The following SRGAP1 variants were observed in gnomAD, a reference collection of about 807,000 sequenced individuals.
The protein encoded by SRGAP1 is SLIT-ROBO Rho GTPase activating protein 1.
SRGAP1 carries 43 observed loss-of-function variants against 121.9 expected under a neutral mutation model. That is an observed-to-expected ratio of 0.35 (90% CI 0.28 to 0.46). The LOEUF is 0.46. SRGAP1 is among the 20% of genes least tolerant of loss of function. The pLI, the probability that SRGAP1 is intolerant of heterozygous loss-of-function variation, is 1.00. For synonymous variants in SRGAP1, 447 were observed against 485.4 expected (o/e 0.92, Z 1.04); for missense variants, 1,102 against 1,350.9 (o/e 0.82, Z 2.89).
At chr12:63,867,159 G>A (rs1899666150) in intron 1 of SRGAP1, among the ~76,000 whole-genome samples, 1 of 152,188 alleles carries the variant, frequency 6.6e-6, no homozygotes, top group African/African-American at 2.4e-5. Context: ...CCTTGGCACT[G>A]CTTTCTTTAT....
At chr12:63,998,614 G>A (rs1376125246) in intron 3 of SRGAP1, among the ~76,000 whole-genome samples, 6 of 152,136 alleles carry the variant, frequency 3.9e-5, no homozygotes, top group Non-Finnish European at 7.4e-5. Flanking sequence ...ACTGAAAATT[G>A]CTCTCAGGAT....
intron 1 of SRGAP1, among the ~76,000 whole-genome samples, chr12:63,861,302 A>ATATTTTTTT (rs1184711599): frequency 7.5e-6 from 1 of 132,624 alleles, no homozygotes; most frequent in African/African-American, 2.8e-5. Context: ...ATATATATAT[A>ATATTTTTTT]TTTTTTTTTT....
chr12:64,137,965 T>TATATATATATA (rs2036884515), intron 21 of SRGAP1, among the ~76,000 whole-genome samples: 5 of 116,834 alleles, frequency 4.3e-5, no homozygotes, highest in Admixed American at 1.7e-4. Context: ...AAAAAAAATA[T>TATATATATATA]ATATATATAT....
chr12:64,127,959 C>T lies in SRGAP1; in HGVS notation c.2639C>T (p.Ser880Phe). ...PLHPPHALSN[S>F]SVDLGSPSLA... is the part of the protein sequence containing the mutation. ...CACCCTCCACATGCCCTTTCTAACT[C>T]CTCAGTTGACCTAGGGTCCCCAAGC... Residue 880 changes from serine to phenylalanine, a missense_variant, in exon 21 of 22, where the codon TCC becomes TTC. Coordinates refer to ENST00000355086, the MANE Select transcript of SRGAP1 (RefSeq NM_020762.4). The T allele has an allele frequency of 6.2e-7, 1 of 1,614,212 alleles. No homozygotes were observed. Among genetic ancestry groups the T allele is most frequent in the Non-Finnish European group, 8.5e-7 (1 of 1,180,026 alleles).
intron 1 of SRGAP1, among the ~76,000 whole-genome samples, chr12:63,916,735 A>G (rs1274997073): frequency 6.6e-6 from 1 of 152,194 alleles, no homozygotes. Context: ...GGTGCCTAGG[A>G]TGATATAAAA....
In SRGAP1 at chr12:64,043,451, A is replaced by G; in HGVS notation, c.677A>G (p.Gln226Arg). 1 of 1,609,892 alleles carries G rather than the reference A, an allele frequency of 6.2e-7. No individual in the cohort carries two copies. The highest frequency in any genetic ancestry group is 8.5e-7 in the Non-Finnish European group (1 of 1,178,900). The change falls in exon 6 of 22, where the codon CAA becomes CGA. Residue 226 changes from glutamine to arginine, a missense_variant. Coordinates refer to ENST00000355086, the MANE Select transcript of SRGAP1 (RefSeq NM_020762.4). The stretch of plus-strand genomic sequence containing the variant: ...CCTGGATCTTCTTCATTCCAGAGAC[A>G]AGCAAAATATTCAGAAAATAAGCTA... ...KKIEKMKEKR[Q>R]AKYSENKLKS...
At chr12:64,087,578 A>C (rs1424082791) in intron 11 of SRGAP1, among the ~76,000 whole-genome samples, 1 of 151,856 alleles carries the variant, frequency 6.6e-6, no homozygotes, top group East Asian at 1.9e-4. Context: ...TACTAAAAAT[A>C]CCAAAAAATT....
chr12:64,115,118 G>A (rs2036496904), intron 17 of SRGAP1, among the ~76,000 whole-genome samples: 1 of 152,098 alleles, frequency 6.6e-6, no homozygotes, highest in Non-Finnish European at 1.5e-5. Context: ...GCAGTTCAAA[G>A]GAGACATCAA....
intron 1 of SRGAP1, chr12:63,982,712 T>C (rs2033287264): frequency 1.3e-5 from 2 of 152,238 alleles, no homozygotes; most frequent in Non-Finnish European, 2.9e-5. Context: ...CTGGGAAAGA[T>C]GAAATGAAGA....
At position 64,152,666 on chromosome 12, in the gene SRGAP1, A is replaced by G. The variant is rs962080425; in HGVS notation, c.*9994A>G. 5 of 152,104 alleles carry G rather than the reference A, an allele frequency of 3.3e-5. No homozygotes were observed. The highest frequency in any genetic ancestry group is 7.3e-5 in the Non-Finnish European group (5 of 68,030). The allele number at this position is 152,104 out of a possible 1,614,324, so 9.4% of individuals were successfully genotyped here. ...TGTGTGCTCCCTCCGCATATACTTC[A>G]TGTCATTCCTCAGCCTAAAATGTCC... On this transcript the variant is annotated 3_prime_UTR_variant, in exon 22 of 22. Transcript: ENST00000355086.
intron 15 of SRGAP1, among the ~76,000 whole-genome samples, chr12:64,102,753 T>A (rs1376053875): frequency 6.6e-6 from 1 of 152,198 alleles, no homozygotes. Context: ...TACTTCATTC[T>A]TTTTGATTGC....
At chr12:63,949,396 TTTA>T (rs71089906) in intron 1 of SRGAP1, among the ~76,000 whole-genome samples, 33,852 of 125,582 alleles carry the variant, frequency 0.27, 4,723 homozygotes, top group Non-Finnish European at 0.33. Flanking sequence ...ATTTTTATTA[TTTA>T]TTATTATTAT....
rs555738402 is a variant in SRGAP1 at position 64,080,390 on chromosome 12, T to C, written c.1408+20T>C. The C allele has an allele frequency of 3.1e-5, 48 of 1,561,412 alleles. No individual in the cohort carries two copies. In the South Asian group the frequency reaches 4.6e-4, roughly 15 times the overall value. The stretch of plus-strand genomic sequence containing the variant: ...GAGAAGGTGAGTTATCCAAAATGTA[T>C]GGGAAGATGACCTGGATGATACATC... On this transcript the variant is annotated intron_variant, in intron 10 of 21. Transcript: ENST00000355086.
intron 1 of SRGAP1, among the ~76,000 whole-genome samples, chr12:63,916,638 G>T (rs976555317): frequency 9.2e-6 from 1 of 108,110 alleles, no homozygotes; most frequent in African/African-American, 2.7e-5. Flanking sequence ...GCATAGAGGG[G>T]CTGGAGGGAA....
chr12:64,084,772 A>G lies in SRGAP1; in HGVS notation c.1409-2227A>G, dbSNP rs189306892. On this transcript the variant is annotated intron_variant, in intron 10 of 21. Transcript: ENST00000355086. ...GTTAGGATATTGTTACAAAAATAGC[A>G]GAATTTCAAAGTTATAACACATTTC... Among the ~76,000 whole-genome samples, 584 of 152,330 alleles carry G rather than the reference A, an allele frequency of 3.8e-3. 5 individuals carry two copies. The highest frequency in any genetic ancestry group is 0.013 in the African/African-American group (547 of 41,584).
intron 1 of SRGAP1, among the ~76,000 whole-genome samples, chr12:63,891,832 C>A (rs866955928): frequency 6.6e-6 from 1 of 151,562 alleles, no homozygotes; most frequent in Non-Finnish European, 1.5e-5. Flanking sequence ...ACTAAAAATA[C>A]AAAAATTAGC....
Position 64,161,048 on chromosome 12 carries a change from T to C in SRGAP1, c.*18376T>C, listed in dbSNP as rs928233039. ...CCTGATGTGGATCTATTTTGATTCA[T>C]TGTACTGAAGACCATTTCAGCCCAT... On this transcript the variant is annotated 3_prime_UTR_variant, in exon 22 of 22. Transcript: ENST00000355086. The C allele has an allele frequency of 6.6e-6, 1 of 152,236 alleles. No individual in the cohort carries two copies. Among genetic ancestry groups the C allele is most frequent in the Non-Finnish European group, 1.5e-5 (1 of 68,040 alleles). The allele number at this position is 152,236 out of a possible 1,614,324, so 9.4% of individuals were successfully genotyped here. A position where few individuals can be genotyped will look rare whatever the true frequency, so the allele number is the denominator to read the frequency against.
chr12:64,056,567 AGAG>A (rs1277569968), intron 6 of SRGAP1, among the ~76,000 whole-genome samples: 35 of 145,322 alleles, frequency 2.4e-4, no homozygotes, highest in African/African-American at 6.4e-4. Flanking sequence ...AAAAAAAAAA[AGAG>A]AGAAAGAAAG....
intron 21 of SRGAP1, among the ~76,000 whole-genome samples, chr12:64,132,350 G>A (rs1404804853): frequency 2.0e-5 from 3 of 152,210 alleles, no homozygotes; most frequent in Non-Finnish European, 4.4e-5. Flanking sequence ...CCAAGTGGCA[G>A]AGCAGCTTGC....
Sources: allele counts gnomAD v4.1 joint callset (sites outside exome capture counted in the v4.1 genomes callset), GRCh38; gene constraint gnomAD v4.1.1; transcripts MANE v1.5; gene names NCBI Gene and HGNC (gene_info 2026-07-23, HGNC 2026-07-21).